The following ZFPM2 variants were observed in gnomAD, a reference collection of about 807,000 sequenced individuals.
ZFPM2 encodes the protein zinc finger protein ZFPM2.
A neutral mutation model predicts 98.6 loss-of-function variants in ZFPM2; 20 were observed. The ratio of observed to expected loss-of-function variants is 0.20; its 90% CI spans 0.14 to 0.29. The LOEUF (loss-of-function observed/expected upper bound fraction) is 0.29. Ranked by LOEUF, ZFPM2 falls within the 10% of genes least tolerant of loss-of-function variation. ZFPM2 has a pLI of 1.00. For missense variants in ZFPM2, 1,310 were observed against 1,388.6 expected, an observed-to-expected ratio of 0.94 and a Z score of 0.90; for synonymous variants, 518 against 502.7, an observed-to-expected ratio of 1.03 and a Z score of -0.41.
chr8:105,799,422 A>G (rs369647688), intron 7 of ZFPM2, among the ~76,000 whole-genome samples: 1 of 152,346 alleles, frequency 6.6e-6, no homozygotes, highest in South Asian at 2.1e-4. Context: ...ACTTTTAAAT[A>G]TGGATCAGTA....
rs543374556 is a variant in ZFPM2, at chr8:105,627,362, C to T, written c.421-6884C>T. Among the ~76,000 whole-genome samples, 4 of 152,062 alleles carry T rather than the reference C, an allele frequency of 2.6e-5. No individual in the cohort carries two copies. In the South Asian group the frequency reaches 8.3e-4, roughly 32 times the overall value. On this transcript the variant is annotated intron_variant, in intron 4 of 7. Coordinates refer to ENST00000407775, the MANE Select transcript of ZFPM2 (RefSeq NM_012082.4). ...TGAAACTCTGGGTTCAAACCGTGTC[C>T]AGGAGTGTAGAATTTTAAAATGTAC...
chr8:105,465,167 C>T (rs2077700251), intron 3 of ZFPM2, among the ~76,000 whole-genome samples: 1 of 151,824 alleles, frequency 6.6e-6, no homozygotes, highest in South Asian at 2.1e-4. Context: ...ATACATTTAT[C>T]TGCAGAAGGA....
At chr8:105,333,274 A>G (rs1812266851) in intron 1 of ZFPM2, among the ~76,000 whole-genome samples, 1 of 151,742 alleles carries the variant, frequency 6.6e-6, no homozygotes, top group African/African-American at 2.4e-5. Context: ...CTGATGGCTA[A>G]AACCATCACT....
chr8:105,502,412 A>G (rs1458779039), intron 3 of ZFPM2, among the ~76,000 whole-genome samples: 2 of 152,188 alleles, frequency 1.3e-5, no homozygotes, highest in Non-Finnish European at 2.9e-5. Context: ...ACTAATTAAT[A>G]CATGGGAGAA....
chr8:105,435,356 T>C (rs1812098810), intron 2 of ZFPM2, among the ~76,000 whole-genome samples: 1 of 152,186 alleles, frequency 6.6e-6, no homozygotes, highest in Admixed American at 6.5e-5. Context: ...GGTCTCTGGA[T>C]ATATATAGTG....
intron 3 of ZFPM2, among the ~76,000 whole-genome samples, chr8:105,467,436 C>T (rs1255900044): frequency 1.3e-5 from 2 of 151,982 alleles, no homozygotes; most frequent in Non-Finnish European, 2.9e-5. Flanking sequence ...ATCCTAGTCA[C>T]GACTACTGGA....
chr8:105,372,595 A>G (rs1216021037), intron 1 of ZFPM2, among the ~76,000 whole-genome samples: 1 of 152,168 alleles, frequency 6.6e-6, no homozygotes, highest in African/African-American at 2.4e-5. Context: ...AAAAGTATTC[A>G]GAGATTGGAG....
chr8:105,554,538 T>C (rs1436059904), intron 3 of ZFPM2, among the ~76,000 whole-genome samples: 1 of 152,146 alleles, frequency 6.6e-6, no homozygotes, highest in Non-Finnish European at 1.5e-5. Context: ...AAAATATAAA[T>C]ATGGGTTCTG....
At chr8:105,390,351 C>G (rs1332195897) in intron 1 of ZFPM2, among the ~76,000 whole-genome samples, 1 of 152,132 alleles carries the variant, frequency 6.6e-6, no homozygotes, top group East Asian at 1.9e-4. Flanking sequence ...AATAAAAAAG[C>G]AGAACCTCCT....
intron 3 of ZFPM2, among the ~76,000 whole-genome samples, chr8:105,560,778 T>C (rs1815118014): frequency 6.6e-6 from 1 of 152,194 alleles, no homozygotes; most frequent in Non-Finnish European, 1.5e-5. Flanking sequence ...TGGTTATTTC[T>C]AAAGTATTTT....
At chr8:105,417,509 T>A (rs1811702013) in intron 1 of ZFPM2, among the ~76,000 whole-genome samples, 1 of 151,906 alleles carries the variant, frequency 6.6e-6, no homozygotes, top group Non-Finnish European at 1.5e-5. Flanking sequence ...TGAAAAAAAA[T>A]AAGGGAAATA....
At chr8:105,561,898 G>C (rs542242202) in intron 4 of ZFPM2, among the ~76,000 whole-genome samples, 1 of 152,154 alleles carries the variant, frequency 6.6e-6, no homozygotes, top group East Asian at 1.9e-4. Flanking sequence ...TTAAAAGCAG[G>C]GATGAGTGGT....
At chr8:105,347,275 C>T (rs548230857) in intron 1 of ZFPM2, among the ~76,000 whole-genome samples, 1 of 152,114 alleles carries the variant, frequency 6.6e-6, no homozygotes, top group East Asian at 1.9e-4. Context: ...AATTAAAAGC[C>T]TATATGAAAC....
rs796819408 is a variant in ZFPM2, at chr8:105,507,682, T to G, written c.302-53681T>G. Among the ~76,000 whole-genome samples the G allele has an allele frequency of 1.6e-4, 25 of 152,338 alleles. 1 individual carries two copies. The highest frequency in any genetic ancestry group is 6.0e-4 in the African/African-American group (25 of 41,580). On this transcript the variant is annotated intron_variant, in intron 3 of 7. Transcript: ENST00000407775. ...AATGCCCTAATAGAATTATACTGTT[T>G]CATTCTCAGGTGGTTTCACTACAGT...
intron 5 of ZFPM2, among the ~76,000 whole-genome samples, chr8:105,671,590 G>A (rs1019041968): frequency 6.6e-6 from 1 of 151,784 alleles, no homozygotes; most frequent in African/African-American, 2.4e-5. Context: ...TCCATTTTAT[G>A]ATGTAGTTGC....
At chr8:105,617,020 G>GGAAAAAA (rs1816431048) in intron 4 of ZFPM2, among the ~76,000 whole-genome samples, 12 of 28,120 alleles carry the variant, frequency 4.3e-4, no homozygotes, top group African/African-American at 1.8e-3. Flanking sequence ...ACTCTGTCTC[G>GGAAAAAA]AAAAAAAAAA....
chr8:105,703,739 C>T (rs1423650313), intron 5 of ZFPM2, among the ~76,000 whole-genome samples: 2 of 152,076 alleles, frequency 1.3e-5, no homozygotes, highest in Non-Finnish European at 2.9e-5. Context: ...ATATTTCAAG[C>T]ATTTCATTAT....
At chr8:105,465,841 A>G (rs1448805557) in intron 3 of ZFPM2, among the ~76,000 whole-genome samples, 5 of 152,024 alleles carry the variant, frequency 3.3e-5, no homozygotes, top group Non-Finnish European at 4.4e-5. Flanking sequence ...TATTGATCCA[A>G]ATATTTTATA....
At chr8:105,320,696 G>T (rs778993985) in intron 1 of ZFPM2, among the ~76,000 whole-genome samples, 1 of 151,876 alleles carries the variant, frequency 6.6e-6, no homozygotes, top group Non-Finnish European at 1.5e-5. Flanking sequence ...ATTTTACTTG[G>T]GAATACTTTG....
Sources: allele counts gnomAD v4.1 joint callset (sites outside exome capture counted in the v4.1 genomes callset), GRCh38; gene constraint gnomAD v4.1.1; transcripts MANE v1.5; gene names NCBI Gene and HGNC (gene_info 2026-07-23, HGNC 2026-07-21).